SLC39A8: variants seen among roughly 807,000 people sequenced by gnomAD.
SLC39A8 encodes the protein solute carrier family 39 member 8.
A neutral mutation model predicts 40.4 loss-of-function variants in SLC39A8; 15 were observed. The observed-to-expected ratio is 0.37, with a 90% CI of 0.25 to 0.57. SLC39A8 has a LOEUF of 0.57. SLC39A8 is among the 20% of genes least tolerant of loss of function. The pLI, the probability that SLC39A8 is intolerant of heterozygous loss-of-function variation, is 0.75. For missense variants in SLC39A8, 472 were observed against 558.8 expected, an observed-to-expected ratio of 0.84 and a Z score of 1.57; for synonymous variants, 223 against 221.6, an observed-to-expected ratio of 1.01 and a Z score of -0.06.
chr4:102,339,770 T>G (rs1477051536), intron 2 of SLC39A8, among the ~76,000 whole-genome samples: 3 of 152,282 alleles, frequency 2.0e-5, no homozygotes, highest in African/African-American at 7.2e-5. Flanking sequence ...TTACATCTCA[T>G]GAAATCCACT....
At chr4:102,313,040 C>A (rs1333745870) in intron 3 of SLC39A8, among the ~76,000 whole-genome samples, 1 of 152,138 alleles carries the variant, frequency 6.6e-6, no homozygotes, top group African/African-American at 2.4e-5. Flanking sequence ...TTTGCTTGAA[C>A]AATTAGCAAT....
intron 8 of SLC39A8, 119 bp downstream of exon 8, chr4:102,267,371 T>C (rs1732147724): frequency 1.2e-6 from 1 of 842,932 alleles, no homozygotes; most frequent in African/African-American, 1.7e-5. Flanking sequence ...TGTTCTGAAT[T>C]ACAACAGAAA....
rs989388957 is a variant in SLC39A8, at chr4:102,265,789, A to G, written c.1233+1701T>C. ...CTGAAGTAGTATTTTTCTCCAACTG[A>G]ATCAATCAGTGGGATGGAATTTACC... On this transcript the variant is annotated intron_variant, in intron 8 of 8. Transcript: ENST00000356736. Among the ~76,000 whole-genome samples, 3 of 152,146 alleles carry G rather than the reference A, an allele frequency of 2.0e-5. No individual in the cohort carries two copies. The East Asian group carries it at 5.8e-4, about 29-fold the overall frequency.
intron 3 of SLC39A8, among the ~76,000 whole-genome samples, chr4:102,313,383 C>A (rs1734527809): frequency 6.6e-6 from 1 of 152,098 alleles, no homozygotes; most frequent in Admixed American, 6.6e-5. Context: ...GTAAGTACCA[C>A]AAAAGAATTG....
chr4:102,303,231 C>T (rs72692239), intron 6 of SLC39A8, among the ~76,000 whole-genome samples: 9,692 of 151,946 alleles, frequency 0.064, 552 homozygotes, highest in Non-Finnish European at 0.092. Flanking sequence ...TCTAAAGTTC[C>T]ACTTTCTTCA....
intron 3 of SLC39A8, among the ~76,000 whole-genome samples, chr4:102,311,551 T>C (rs1734426759): frequency 6.6e-6 from 1 of 152,074 alleles, no homozygotes; most frequent in Non-Finnish European, 1.5e-5. Context: ...TCAATTAATA[T>C]TCTTTATTTT....
At chr4:102,252,919 A>T (rs1446326162) in exon 12 of SLC39A8, 1 of 151,280 alleles carries the variant, frequency 6.6e-6, no homozygotes, top group Non-Finnish European at 1.5e-5. Context: ...CCAGATTCTG[A>T]TGATTTGCTG....
intron 2 of SLC39A8, among the ~76,000 whole-genome samples, chr4:102,332,253 C>T (rs1011327992): frequency 2.0e-5 from 3 of 152,038 alleles, no homozygotes; most frequent in Non-Finnish European, 2.9e-5. Flanking sequence ...GTGAAAATTT[C>T]GTAATCTATC....
intron 6 of SLC39A8, among the ~76,000 whole-genome samples, chr4:102,286,201 C>A (rs1234692198): frequency 6.6e-6 from 1 of 152,160 alleles, no homozygotes; most frequent in Non-Finnish European, 1.5e-5. Context: ...GGGCTTTCCA[C>A]ACAGTAGAAT....
At chr4:102,321,106 A>C (rs78759501) in intron 2 of SLC39A8, among the ~76,000 whole-genome samples, 1 of 152,196 alleles carries the variant, frequency 6.6e-6, no homozygotes, top group Non-Finnish European at 1.5e-5. Flanking sequence ...GCCTTCCATC[A>C]GCAAACTTAA....
At chr4:102,315,579 C>T in intron 3 of SLC39A8, 89 bp downstream of exon 3, 1 of 1,145,292 alleles carries the variant, frequency 8.7e-7, no homozygotes, top group Non-Finnish European at 1.2e-6. Context: ...TAATTAAAAG[C>T]AATAAAGCAG....
chr4:102,257,603 G>C (rs926865527), downstream of SLC39A8, among the ~76,000 whole-genome samples: 2 of 152,114 alleles, frequency 1.3e-5, no homozygotes, highest in African/African-American at 2.4e-5. Flanking sequence ...TACCCACTGA[G>C]GTCCATGTGG....
intron 3 of SLC39A8, among the ~76,000 whole-genome samples, chr4:102,313,975 T>C (rs887664785): frequency 6.6e-6 from 1 of 152,078 alleles, no homozygotes; most frequent in Admixed American, 6.6e-5. Context: ...AATGTCTGTG[T>C]GCCTTTGCCT....
chr4:102,328,198 A>G (rs773419571), intron 2 of SLC39A8, among the ~76,000 whole-genome samples: 1 of 152,138 alleles, frequency 6.6e-6, no homozygotes, highest in Non-Finnish European at 1.5e-5. Flanking sequence ...TACCTATTCC[A>G]TTTCCTCACC....
intron 6 of SLC39A8, among the ~76,000 whole-genome samples, chr4:102,298,999 A>G (rs1363295146): frequency 6.8e-6 from 1 of 147,524 alleles, no homozygotes; most frequent in African/African-American, 2.5e-5. Context: ...CCAAATGATG[A>G]CTGGAGATCT....
intron 6 of SLC39A8, among the ~76,000 whole-genome samples, chr4:102,280,703 C>A (rs1251124411): frequency 1.3e-5 from 2 of 152,172 alleles, no homozygotes; most frequent in Non-Finnish European, 2.9e-5. Context: ...AATGCACTTA[C>A]CTTCCAGTCA....
At position 102,261,734 on chromosome 4, in the gene SLC39A8, C is replaced by A; in HGVS notation, c.*1310G>T. On this transcript the variant is annotated 3_prime_UTR_variant, in exon 9 of 9. Transcript: ENST00000356736. Reference sequence around the variant, plus strand: ...TAATTGTCAGTCATAAAGTGAAATACATACTAAAATATATATTAAATATTC... The same window carrying A: ...TAATTGTCAGTCATAAAGTGAAATAAATACTAAAATATATATTAAATATTC... The A allele has an allele frequency of 7.1e-6, 7 of 980,412 alleles. No homozygotes were observed. The highest frequency in any genetic ancestry group is 8.5e-6 in the Non-Finnish European group (7 of 824,924). 60.7% of individuals were successfully genotyped at this position (980,412 alleles called of 1,614,324 possible). A position where few individuals can be genotyped will look rare whatever the true frequency, so the allele number is the denominator to read the frequency against.
intron 6 of SLC39A8, among the ~76,000 whole-genome samples, chr4:102,294,986 T>A (rs1245172393): frequency 6.6e-6 from 1 of 151,588 alleles, no homozygotes; most frequent in Non-Finnish European, 1.5e-5. Flanking sequence ...TTGCTGTTCA[T>A]GAGAAGGTAA....
intron 6 of SLC39A8, among the ~76,000 whole-genome samples, chr4:102,285,094 T>C (rs1733102511): frequency 2.0e-5 from 3 of 152,176 alleles, no homozygotes; most frequent in Admixed American, 2.0e-4. Context: ...AGAGATTCAG[T>C]AAAATAAAGT....
Sources: allele counts gnomAD v4.1 joint callset (sites outside exome capture counted in the v4.1 genomes callset), GRCh38; gene constraint gnomAD v4.1.1; transcripts MANE v1.5; gene names NCBI Gene and HGNC (gene_info 2026-07-23, HGNC 2026-07-21).